ITGBL1: variants seen among roughly 807,000 people sequenced by gnomAD.
ITGBL1 encodes the protein integrin subunit beta like 1.
ITGBL1 carries 51 observed loss-of-function variants against 68.5 expected under a neutral mutation model. The observed-to-expected ratio is 0.74, with a 90% CI of 0.59 to 0.94. ITGBL1 has a LOEUF of 0.94. Among genes scored for constraint, ITGBL1 ranks in the 40% least tolerant of loss-of-function variants. The probability of loss-of-function intolerance (pLI) is 0.00; values close to 1 mark genes in which losing one functional copy is unlikely to be tolerated. For missense variants in ITGBL1, 649 were observed against 647.4 expected (o/e 1.00, Z -0.03); for synonymous variants, 209 against 227.3 (o/e 0.92, Z 0.72).
intron 2 of ITGBL1, among the ~76,000 whole-genome samples, chr13:101,531,704 T>G (rs1194837563): frequency 3.8e-5 from 2 of 52,980 alleles, no homozygotes; most frequent in Admixed American, 2.1e-4. Context: ...TATTTTGTTA[T>G]TTATTTATTT....
intron 5 of ITGBL1, among the ~76,000 whole-genome samples, chr13:101,582,216 G>C (rs1235093765): frequency 6.6e-6 from 1 of 151,746 alleles, no homozygotes; most frequent in Non-Finnish European, 1.5e-5. Flanking sequence ...ACTTGTTTCA[G>C]CTTTGTCAGT....
chr13:101,454,697 A>G (rs1396956770), intron 2 of ITGBL1, among the ~76,000 whole-genome samples: 1 of 152,206 alleles, frequency 6.6e-6, no homozygotes, highest in Non-Finnish European at 1.5e-5. Flanking sequence ...ATTTTCCTCC[A>G]TTCTAGGGAG....
intron 2 of ITGBL1, among the ~76,000 whole-genome samples, chr13:101,565,651 A>C (rs1281020074): frequency 6.6e-6 from 1 of 152,184 alleles, no homozygotes; most frequent in Admixed American, 6.6e-5. Flanking sequence ...GCAAATTCTA[A>C]GCTAAAAAAA....
chr13:101,714,413 T>C, intron 9 of ITGBL1, 25 bp from the exon 10 acceptor site: 1 of 1,286,016 alleles, frequency 7.8e-7, no homozygotes, highest in Non-Finnish European at 1.1e-6. Context: ...AAGGTGATGG[T>C]GAGTAATAGC....
At chr13:101,493,881 T>A (rs2048817184) in intron 2 of ITGBL1, among the ~76,000 whole-genome samples, 1 of 152,234 alleles carries the variant, frequency 6.6e-6, no homozygotes, top group Non-Finnish European at 1.5e-5. Flanking sequence ...TGCCATCTGT[T>A]GCTAGTTTCT....
At chr13:101,494,440 GA>G (rs989417536) in intron 2 of ITGBL1, among the ~76,000 whole-genome samples, 6 of 152,068 alleles carry the variant, frequency 3.9e-5, no homozygotes, top group Non-Finnish European at 8.8e-5. Flanking sequence ...ACTGTAGTCA[GA>G]AAAAAACTAT....
chr13:101,539,813 C>T (rs950412655), intron 2 of ITGBL1, among the ~76,000 whole-genome samples: 1 of 151,984 alleles, frequency 6.6e-6, no homozygotes, highest in South Asian at 2.1e-4. Context: ...TGATGATGAG[C>T]ATTTTTTCAT....
intron 2 of ITGBL1, among the ~76,000 whole-genome samples, chr13:101,454,403 C>T (rs1043887163): frequency 0.012 from 21 of 1,752 alleles, no homozygotes; most frequent in South Asian, 0.086. Flanking sequence ...GGCTGGTCCC[C>T]CCCCCCCCCC....
chr13:101,612,569 A>G (rs907220583), intron 7 of ITGBL1, among the ~76,000 whole-genome samples: 2 of 25,884 alleles, frequency 7.7e-5, no homozygotes, highest in African/African-American at 1.3e-4. Context: ...TAATGTAATT[A>G]TAAAAAAAAA....
At chr13:101,461,092 T>C (rs117411948) in intron 2 of ITGBL1, among the ~76,000 whole-genome samples, 1 of 152,230 alleles carries the variant, frequency 6.6e-6, no homozygotes, top group East Asian at 1.9e-4. Context: ...TTAGATAAAA[T>C]AGTATAAATG....
At chr13:101,516,759 T>G (rs1176095668) in intron 2 of ITGBL1, among the ~76,000 whole-genome samples, 2 of 152,138 alleles carry the variant, frequency 1.3e-5, no homozygotes. Context: ...TGTCTAGGAA[T>G]AAAAAATACC....
At chr13:101,627,986 C>A (rs1288063047) in intron 7 of ITGBL1, among the ~76,000 whole-genome samples, 1 of 152,168 alleles carries the variant, frequency 6.6e-6, no homozygotes, top group Non-Finnish European at 1.5e-5. Flanking sequence ...ATTGCTGGAT[C>A]ATATAGTATG....
intron 7 of ITGBL1, among the ~76,000 whole-genome samples, chr13:101,603,218 C>T (rs573422058): frequency 2.2e-4 from 34 of 151,882 alleles, no homozygotes; most frequent in African/African-American, 8.2e-4. Context: ...CCAGTTTGTC[C>T]ACATCCTTGC....
chr13:101,569,335 A>C (rs1350996027), intron 3 of ITGBL1, among the ~76,000 whole-genome samples: 1 of 152,182 alleles, frequency 6.6e-6, no homozygotes, highest in Non-Finnish European at 1.5e-5. Context: ...TTTAATATTA[A>C]GGAATCTAAA....
At chr13:101,703,597 C>G (rs1349194369) in intron 8 of ITGBL1, among the ~76,000 whole-genome samples, 1 of 152,086 alleles carries the variant, frequency 6.6e-6, no homozygotes. Context: ...AAGTTTTTTC[C>G]AACGTTGTGA....
chr13:101,673,166 G>T (rs754939139), intron 7 of ITGBL1, among the ~76,000 whole-genome samples: 18 of 152,102 alleles, frequency 1.2e-4, no homozygotes, highest in Admixed American at 9.8e-4. Context: ...TGAGACTCTT[G>T]CCCCTCTTAA....
At position 101,468,285 on chromosome 13, in the gene ITGBL1, C is replaced by T. The variant is rs150079483; in HGVS notation, c.316+14185C>T. Among the ~76,000 whole-genome samples the T allele has an allele frequency of 3.0e-3, 449 of 152,202 alleles. 4 individuals are homozygous for T. Among genetic ancestry groups the T allele is most frequent in the African/African-American group, 9.9e-3 (412 of 41,540 alleles). On this transcript the variant is annotated intron_variant, in intron 2 of 10. Transcript: ENST00000376180. Reference sequence around the variant, plus strand: ...GTATTTGATTTGTTAACTATGTGCTCGAGAGACTTCTCTCAGTTGCCTGTT... The same window carrying T: ...GTATTTGATTTGTTAACTATGTGCTTGAGAGACTTCTCTCAGTTGCCTGTT...
chr13:101,639,076 C>T (rs780910140), intron 7 of ITGBL1, among the ~76,000 whole-genome samples: 5 of 152,112 alleles, frequency 3.3e-5, no homozygotes, highest in African/African-American at 9.7e-5. Flanking sequence ...CTCTCAGAAA[C>T]GCCCCAGTCC....
At chr13:101,598,102 A>G (rs1192558034) in intron 6 of ITGBL1, 51 bp from the exon 7 acceptor site, 7 of 1,462,298 alleles carry the variant, frequency 4.8e-6, no homozygotes, top group Non-Finnish European at 6.5e-6. Context: ...ACTAATTCCA[A>G]CTTCATTATC....
Sources: allele counts gnomAD v4.1 joint callset (sites outside exome capture counted in the v4.1 genomes callset), GRCh38; gene constraint gnomAD v4.1.1; transcripts MANE v1.5; gene names NCBI Gene and HGNC (gene_info 2026-07-23, HGNC 2026-07-21).